LACTB: variants seen among roughly 807,000 people sequenced by gnomAD.
The protein encoded by LACTB is serine beta-lactamase-like protein LACTB, mitochondrial.
Under a neutral mutation model 50.2 loss-of-function variants are expected in LACTB, and 35 were observed. The ratio of observed to expected loss-of-function variants is 0.70; its 90% CI spans 0.53 to 0.92. LACTB has a LOEUF of 0.92. Ranked by LOEUF, LACTB falls within the 40% of genes least tolerant of loss-of-function variation. The probability of loss-of-function intolerance (pLI) is 0.00; values close to 1 mark genes in which losing one functional copy is unlikely to be tolerated. For missense variants in LACTB, 664 were observed against 691.8 expected, an observed-to-expected ratio of 0.96 and a Z score of 0.45; for synonymous variants, 252 against 268.2, an observed-to-expected ratio of 0.94 and a Z score of 0.59.
rs757436737 is a variant in LACTB at position 63,121,933 on chromosome 15, G to C, written c.62G>C (p.Ser21Thr). 2 of 1,427,962 alleles carry C rather than the reference G, an allele frequency of 1.4e-6. No homozygotes were observed. Among genetic ancestry groups the C allele is most frequent in the Non-Finnish European group, 1.8e-6 (2 of 1,097,416 alleles). 88.5% of individuals were successfully genotyped at this position (1,427,962 alleles called of 1,614,324 possible). The change falls in exon 1 of 6, where the codon AGC (serine) becomes ACC (threonine). Residue 21 changes from serine to threonine, a missense_variant. Transcript: ENST00000261893. Reference sequence around the variant, plus strand: ...GCCGCCCCCGGGGGCTTGGCCTCAAGCTGCGGACGACGCGGGGTCCATCAG... The same window carrying C: ...GCCGCCCCCGGGGGCTTGGCCTCAACCTGCGGACGACGCGGGGTCCATCAG... ...RAAAPGGLAS[S>T]CGRRGVHQRA...
chr15:63,124,417 G>C (rs2037021476), intron 2 of LACTB, among the ~76,000 whole-genome samples: 2 of 151,948 alleles, frequency 1.3e-5, no homozygotes, highest in African/African-American at 2.4e-5. Flanking sequence ...TCAGCGCCTG[G>C]GTGGCTTGCC....
chr15:63,130,260 T>G (rs1315241147), intron 5 of LACTB: 1 of 152,250 alleles, frequency 6.6e-6, no homozygotes, highest in Admixed American at 6.5e-5. Flanking sequence ...ATCCCAACAC[T>G]TTGGAAGGCC....
chr15:63,125,650 T>C (rs2037043264), intron 2 of LACTB, among the ~76,000 whole-genome samples: 1 of 152,018 alleles, frequency 6.6e-6, no homozygotes. Context: ...ATTCCTTTTC[T>C]TTTCAGATCT....
intron 5 of LACTB, among the ~76,000 whole-genome samples, chr15:63,139,304 T>C (rs542959111): frequency 2.7e-4 from 41 of 150,712 alleles, no homozygotes; most frequent in Non-Finnish European, 5.9e-4. Context: ...AACAGTGAGC[T>C]GAGATTGTGC....
At chr15:63,139,011 T>G (rs1321902476) in intron 5 of LACTB, among the ~76,000 whole-genome samples, 3 of 136,272 alleles carry the variant, frequency 2.2e-5, no homozygotes, top group Non-Finnish European at 4.5e-5. Context: ...GCCACTGCAC[T>G]CCAGCCTAGG....
chr15:63,122,458 C>T (rs965320821), intron 1 of LACTB, 178 bp from the exon 2 acceptor site: 2 of 699,790 alleles, frequency 2.9e-6, no homozygotes, highest in Non-Finnish European at 2.5e-6. Flanking sequence ...CCCTAGGGGG[C>T]GGACAGGCAC....
At position 63,129,515 on chromosome 15, in the gene LACTB, A is replaced by G. The variant is rs370595558; in HGVS notation, c.983A>G (p.Tyr328Cys). Residue 328 changes from tyrosine (Y) to cysteine (C), a missense_variant, in exon 5 of 6, where the codon TAT (tyrosine) becomes TGT (cysteine). Physicochemically the swap from Tyr to Cys is radical, Grantham distance 194. Coordinates refer to ENST00000261893, the MANE Select transcript of LACTB (RefSeq NM_032857.5). Reference protein sequence around the residue: ...GSQFLYSTFGYTLLAAIVERA... With the variant: ...GSQFLYSTFGCTLLAAIVERA... The stretch of plus-strand genomic sequence containing the variant: ...CAGTTTTTGTATTCAACTTTTGGCT[A>G]TACCCTACTGGCAGCCATAGTAGAG... The G allele has an allele frequency of 6.2e-7, 1 of 1,607,642 alleles. No homozygotes were observed. The highest frequency in any genetic ancestry group is 8.5e-7 in the Non-Finnish European group (1 of 1,177,302).
At chr15:63,134,992 T>C (rs2141076175) in intron 5 of LACTB, among the ~76,000 whole-genome samples, 1 of 152,368 alleles carries the variant, frequency 6.6e-6, no homozygotes, top group East Asian at 1.9e-4. Context: ...GAATTTTGAA[T>C]GTTAATTACT....
chr15:63,122,652 C>T lies in LACTB; in HGVS notation c.374C>T (p.Pro125Leu). Reference sequence around the variant, plus strand: ...CGGTCTTAGGATGAGGTGGGCGCACCGGGCATAGTGGTTGGAGTTTCTGTA... The same window carrying T: ...CGGTCTTAGGATGAGGTGGGCGCACTGGGCATAGTGGTTGGAGTTTCTGTA... ...LHRIKDEVGA[P>L]GIVVGVSVDG... Residue 125 changes from proline (P) to leucine (L), a missense_variant, in exon 2 of 6, where the codon CCG becomes CTG. By Grantham distance (98) the Pro-to-Leu change is moderately conservative. Transcript: ENST00000261893. 1 of 1,613,566 alleles carries T rather than the reference C, an allele frequency of 6.2e-7. No homozygotes were observed. Among genetic ancestry groups the T allele is most frequent in the Non-Finnish European group, 8.5e-7 (1 of 1,179,484 alleles).
In LACTB at chr15:63,121,999, G is replaced by T; in HGVS notation, c.128G>T (p.Gly43Val). ...LPPLGHGWVGGLGLGLGLALG... is the reference protein window; with the variant it reads ...LPPLGHGWVGVLGLGLGLALG... ...CCTCTCGGCCACGGCTGGGTCGGGG[G>T]CCTCGGGCTGGGGCTGGGGCTGGCG... Residue 43 changes from glycine (G) to valine (V), a missense_variant, in exon 1 of 6, where the codon GGC becomes GTC. Coordinates refer to ENST00000261893, the MANE Select transcript of LACTB (RefSeq NM_032857.5). The T allele has an allele frequency of 1.5e-6, 2 of 1,369,498 alleles. No homozygotes were observed. Among genetic ancestry groups the T allele is most frequent in the South Asian group, 1.7e-5 (1 of 57,278 alleles). 84.8% of individuals were successfully genotyped at this position (1,369,498 alleles called of 1,614,324 possible).
chr15:63,132,655 C>T (rs191008003), intron 5 of LACTB, among the ~76,000 whole-genome samples: 3 of 151,694 alleles, frequency 2.0e-5, no homozygotes, highest in Non-Finnish European at 2.9e-5. Flanking sequence ...CCATCTCTAC[C>T]AAAAGTACAA....
At chr15:63,122,575 G>C in intron 1 of LACTB, 61 bp from the exon 2 acceptor site, 1 of 1,346,356 alleles carries the variant, frequency 7.4e-7, no homozygotes, top group Non-Finnish European at 1.1e-6. Context: ...AGGTCCCCGA[G>C]GAGAGCGCTG....
chr15:63,123,817 T>G (rs1450492200), intron 2 of LACTB, among the ~76,000 whole-genome samples: 1 of 149,658 alleles, frequency 6.7e-6, no homozygotes, highest in Admixed American at 6.7e-5. Flanking sequence ...ACTACTGCTA[T>G]CTAGAAGGCA....
intron 1 of LACTB, 90 bp from the exon 2 acceptor site, chr15:63,122,546 C>A: frequency 9.5e-7 from 1 of 1,052,056 alleles, no homozygotes. Flanking sequence ...GGCCCAGGCT[C>A]AGGGGGCGGG....
At chr15:63,136,284 T>C (rs573650807) in intron 5 of LACTB, among the ~76,000 whole-genome samples, 25 of 152,262 alleles carry the variant, frequency 1.6e-4, no homozygotes, top group African/African-American at 6.0e-4. Context: ...TGATCCTCCC[T>C]CCTCAGCCTC....
chr15:63,138,408 A>C (rs1232317008), intron 5 of LACTB, among the ~76,000 whole-genome samples: 4 of 152,212 alleles, frequency 2.6e-5, no homozygotes, highest in South Asian at 2.1e-4. Flanking sequence ...AATAAGTATG[A>C]AGAAGCTGTT....
At chr15:63,127,294 A>G in intron 3 of LACTB, 59 bp from the exon 4 acceptor site, 2 of 1,295,238 alleles carry the variant, frequency 1.5e-6, no homozygotes, top group Non-Finnish European at 2.1e-6. Context: ...TTCCGAGGCA[A>G]CTAACTTTCT....
intron 1 of LACTB, 81 bp from the exon 2 acceptor site, chr15:63,122,555 G>A: frequency 8.9e-7 from 1 of 1,122,554 alleles, no homozygotes; most frequent in Non-Finnish European, 1.4e-6. Flanking sequence ...TCAGGGGGCG[G>A]GGCCTTGGAA....
At chr15:63,129,934 A>G (rs567820626) in intron 5 of LACTB, 7 of 230,242 alleles carry the variant, frequency 3.0e-5, no homozygotes, top group South Asian at 1.7e-4. Context: ...CTCTTTAACC[A>G]TTCCTTTTTT....
Sources: allele counts gnomAD v4.1 joint callset (sites outside exome capture counted in the v4.1 genomes callset), GRCh38; gene constraint gnomAD v4.1.1; transcripts MANE v1.5; gene names NCBI Gene and HGNC (gene_info 2026-07-23, HGNC 2026-07-21).